Variants in NVL observed in about 807,000 individuals in gnomAD.
NVL encodes nuclear VCP like.
NVL carries 84 observed loss-of-function variants against 110.2 expected under a neutral mutation model. That is an observed-to-expected ratio of 0.76 (90% CI 0.64 to 0.91). The LOEUF is 0.91. Ranked by LOEUF, NVL falls within the 40% of genes least tolerant of loss-of-function variation. NVL has a pLI of 0.00. For synonymous variants in NVL, 354 were observed against 361.1 expected, an observed-to-expected ratio of 0.98 and a Z score of 0.22; for missense variants, 882 against 1,035.9, an observed-to-expected ratio of 0.85 and a Z score of 2.04.
intron 13 of NVL, 94 bp from the exon 14 acceptor site, chr1:224,288,087 T>A (rs1667038598): frequency 9.0e-6 from 8 of 886,126 alleles, no homozygotes; most frequent in African/African-American, 1.7e-5. Flanking sequence ...ATTACTGTAA[T>A]ATTTCCGTAA....
At chr1:224,274,372 C>T (rs1665533818) in intron 17 of NVL, among the ~76,000 whole-genome samples, 2 of 151,906 alleles carry the variant, frequency 1.3e-5, no homozygotes, top group South Asian at 4.2e-4. Flanking sequence ...TGGTGGCTCA[C>T]CCATGTAATC....
chr1:224,258,766 T>C (rs137884020), intron 18 of NVL, among the ~76,000 whole-genome samples: 43 of 152,240 alleles, frequency 2.8e-4, no homozygotes, highest in Non-Finnish European at 6.0e-4. Context: ...GAAAACATTA[T>C]GCTAAAGAAG....
intron 18 of NVL, among the ~76,000 whole-genome samples, chr1:224,252,427 A>G (rs1450580079): frequency 1.3e-5 from 2 of 152,164 alleles, no homozygotes; most frequent in Non-Finnish European, 2.9e-5. Flanking sequence ...GGGTTCTTAT[A>G]GCTCACAATG....
intron 18 of NVL, among the ~76,000 whole-genome samples, chr1:224,250,912 C>T (rs1662405296): frequency 6.6e-6 from 1 of 152,154 alleles, no homozygotes; most frequent in African/African-American, 2.4e-5. Context: ...CCTTCTCGGC[C>T]TCCCAAAGTG....
At chr1:224,269,013 CATTTT>C (rs964384054) in intron 17 of NVL, among the ~76,000 whole-genome samples, 21 of 150,746 alleles carry the variant, frequency 1.4e-4, no homozygotes, top group Admixed American at 5.3e-4. Flanking sequence ...TTCTAGATCT[CATTTT>C]ATTTTATTTT....
At chr1:224,251,349 G>A (rs1435406577) in intron 18 of NVL, among the ~76,000 whole-genome samples, 4 of 149,452 alleles carry the variant, frequency 2.7e-5, no homozygotes, top group African/African-American at 7.4e-5. Context: ...TTAATAAATT[G>A]CATTTTATTT....
intron 19 of NVL, among the ~76,000 whole-genome samples, chr1:224,242,381 G>A (rs73128433): frequency 0.014 from 2,137 of 151,544 alleles, 62 homozygotes; most frequent in African/African-American, 0.049. Flanking sequence ...CCTATAATTC[G>A]TATTAAACAT....
chr1:224,316,522 C>A (rs989671474), intron 4 of NVL, among the ~76,000 whole-genome samples: 1 of 151,466 alleles, frequency 6.6e-6, no homozygotes, highest in Middle Eastern at 3.4e-3. Context: ...CCCATTTCTA[C>A]GAAAAATTAG....
At chr1:224,320,373 G>A (rs542029568) in intron 2 of NVL, among the ~76,000 whole-genome samples, 16 of 152,222 alleles carry the variant, frequency 1.1e-4, no homozygotes, top group South Asian at 4.1e-4. Flanking sequence ...CTGTGCCAGC[G>A]CAGTGGCTCA....
intron 15 of NVL, among the ~76,000 whole-genome samples, chr1:224,285,590 C>T (rs1416510659): frequency 1.3e-5 from 2 of 152,076 alleles, no homozygotes; most frequent in African/African-American, 4.8e-5. Context: ...GAGAGAATTA[C>T]ACACAATGCT....
chr1:224,293,840 G>C (rs768303724), intron 12 of NVL, among the ~76,000 whole-genome samples: 4 of 152,162 alleles, frequency 2.6e-5, no homozygotes, highest in African/African-American at 9.7e-5. Flanking sequence ...CAGAGGTGGG[G>C]CCTCCCTCTG....
intron 15 of NVL, 69 bp downstream of exon 15, chr1:224,285,957 A>T: frequency 8.4e-7 from 1 of 1,196,304 alleles, no homozygotes; most frequent in Non-Finnish European, 1.2e-6. Flanking sequence ...TGTAATATTT[A>T]AAGTTAAGTT....
At chr1:224,260,230 A>C (rs1405744933) in intron 18 of NVL, among the ~76,000 whole-genome samples, 1 of 152,176 alleles carries the variant, frequency 6.6e-6, no homozygotes, top group Non-Finnish European at 1.5e-5. Context: ...CAATGAAATA[A>C]ATACCTTCTC....
chr1:224,289,391 G>T, intron 13 of NVL, 93 bp downstream of exon 13: 2 of 1,323,400 alleles, frequency 1.5e-6, no homozygotes, highest in African/African-American at 1.5e-5. Flanking sequence ...AAAACAGAAA[G>T]TAATGAACCT....
At chr1:224,288,036 C>A (rs376137920) in intron 13 of NVL, 43 bp from the exon 14 acceptor site, 3 of 1,418,600 alleles carry the variant, frequency 2.1e-6, no homozygotes, top group African/African-American at 2.8e-5. Flanking sequence ...AGAAACACCA[C>A]AACAGCTATT....
intron 12 of NVL, among the ~76,000 whole-genome samples, chr1:224,293,206 A>C (rs1016247245): frequency 1.3e-5 from 2 of 151,478 alleles, no homozygotes; most frequent in African/African-American, 4.9e-5. Flanking sequence ...AGTAGCTGGG[A>C]CTACAGGAGC....
chr1:224,315,926 G>A (rs1464784784), intron 4 of NVL, among the ~76,000 whole-genome samples: 1 of 152,180 alleles, frequency 6.6e-6, no homozygotes, highest in Non-Finnish European at 1.5e-5. Context: ...CAGGCAAGGT[G>A]GTTCACACCT....
intron 20 of NVL, among the ~76,000 whole-genome samples, chr1:224,233,787 A>G (rs1234513306): frequency 6.6e-6 from 1 of 152,102 alleles, no homozygotes; most frequent in African/African-American, 2.4e-5. Flanking sequence ...AAAAAAAACT[A>G]AACTCAAGAA....
intron 10 of NVL, 86 bp downstream of exon 10, chr1:224,300,476 A>T: frequency 2.2e-6 from 2 of 894,616 alleles, no homozygotes; most frequent in South Asian, 1.9e-5. Context: ...TGAGTGGGTT[A>T]ACAAATACTA....
Sources: allele counts gnomAD v4.1 joint callset (sites outside exome capture counted in the v4.1 genomes callset), GRCh38; gene constraint gnomAD v4.1.1; transcripts MANE v1.5; gene names NCBI Gene and HGNC (gene_info 2026-07-23, HGNC 2026-07-21).